The following DTNB variants were observed in gnomAD, a reference collection of about 807,000 sequenced individuals.
The protein encoded by DTNB is DTN-B.
DTNB carries 63 observed loss-of-function variants against 90.7 expected under a neutral mutation model. The ratio of observed to expected loss-of-function variants is 0.69; its 90% CI spans 0.57 to 0.86. The LOEUF (loss-of-function observed/expected upper bound fraction) is 0.86. DTNB is among the 40% of genes least tolerant of loss of function. The pLI is 0.00. For synonymous variants in DTNB, 277 were observed against 286.7 expected (o/e 0.97, Z 0.34); for missense variants, 744 against 807.1 (o/e 0.92, Z 0.95).
In DTNB at chr2:25,626,748, C is replaced by G. The variant is rs1458416309; in HGVS notation, c.362+1423G>C. ...TAGTGTTACCACTAATTCACAGACTCCTCCCTATTATAAGATATAACTAAT... is the reference window on the plus strand; with the variant it reads ...TAGTGTTACCACTAATTCACAGACTGCTCCCTATTATAAGATATAACTAAT... On this transcript the variant is annotated intron_variant, in intron 4 of 20. Coordinates refer to ENST00000406818, the MANE Select transcript of DTNB (RefSeq NM_021907.5). 2.0e-5 allele frequency among the ~76,000 whole-genome samples: 3 copies of G among 152,206 alleles called. No individual in the cohort carries two copies. In the East Asian group the frequency reaches 5.8e-4, roughly 29 times the overall value.
intron 1 of DTNB, among the ~76,000 whole-genome samples, chr2:25,670,382 T>C (rs562464618): frequency 6.6e-6 from 1 of 151,800 alleles, no homozygotes; most frequent in South Asian, 2.1e-4. Flanking sequence ...CTGTTTTGAG[T>C]ATCAGATGAG....
chr2:25,404,586 GGGTCACACCTGTAATCCTA>G, intron 16 of DTNB, among the ~76,000 whole-genome samples: 1 of 152,254 alleles, frequency 6.6e-6, no homozygotes, highest in East Asian at 1.9e-4. Flanking sequence ...TGGGCACGGT[GGGTCACACCTGTAATCCTA>G]ACACTTTGGG....
At chr2:25,639,115 A>G in intron 2 of DTNB, 21 bp from the exon 3 acceptor site, 1 of 1,550,218 alleles carries the variant, frequency 6.5e-7, no homozygotes, top group Admixed American at 1.9e-5. Context: ...GCAAACAGAA[A>G]TGCTCAACTA....
intron 16 of DTNB, among the ~76,000 whole-genome samples, chr2:25,388,993 T>C (rs1215948650): frequency 6.6e-6 from 1 of 152,056 alleles, no homozygotes; most frequent in Non-Finnish European, 1.5e-5. Context: ...ACTACAGGTG[T>C]GCGCCACCAC....
chr2:25,661,645 T>C (rs1462894149), intron 1 of DTNB, among the ~76,000 whole-genome samples: 1 of 152,258 alleles, frequency 6.6e-6, no homozygotes, highest in Admixed American at 6.5e-5. Context: ...AAGCGTTTGC[T>C]CTACAATAAT....
rs2081193312 is a variant in DTNB at position 25,652,665 on chromosome 2, G to A, written c.-1-4C>T. 6.2e-7 allele frequency: 1 copy of A among 1,610,952 alleles called. No homozygotes were observed. The highest frequency in any genetic ancestry group is 8.5e-7 in the Non-Finnish European group (1 of 1,179,192). On this transcript the variant is annotated splice_region_variant and splice_polypyrimidine_tract_variant and intron_variant, in intron 1 of 20. Transcript: ENST00000406818. ...GTTCCCACTTTCCTCAATCATCCTA[G>A]AGACAAAGAAAGATACAATAAACCA...
intron 8 of DTNB, among the ~76,000 whole-genome samples, chr2:25,535,144 C>A (rs533862723): frequency 7.1e-6 from 1 of 141,026 alleles, no homozygotes; most frequent in Non-Finnish European, 1.5e-5. Context: ...ACTTCCCATT[C>A]GGGGCAACCG....
rs765769580 is a variant in DTNB at position 25,596,083 on chromosome 2, T to C, written c.603+3A>G. On this transcript the variant is annotated splice_donor_region_variant and intron_variant, in intron 6 of 20. Transcript: ENST00000406818. ...GCCCTAGATTCTATAAAACTGTCCT[T>C]ACCTGCTGTGGAAAACAGGTGCGGA... 2 of 1,601,386 alleles carry C rather than the reference T, an allele frequency of 1.2e-6. No homozygotes were observed. Among genetic ancestry groups the C allele is most frequent in the South Asian group, 1.1e-5 (1 of 88,554 alleles).
At chr2:25,615,339 A>C (rs1046830448) in intron 4 of DTNB, among the ~76,000 whole-genome samples, 1 of 152,040 alleles carries the variant, frequency 6.6e-6, no homozygotes, top group African/African-American at 2.4e-5. Flanking sequence ...GGGGTGACTG[A>C]TTATATCTTT....
At chr2:25,442,517 C>T (rs778245981) in intron 12 of DTNB, among the ~76,000 whole-genome samples, 6 of 152,170 alleles carry the variant, frequency 3.9e-5, no homozygotes, top group African/African-American at 7.2e-5. Flanking sequence ...CATCCAAGGT[C>T]GATGCGCTGC....
chr2:25,630,844 CAAAAA>C (rs1169600129), intron 3 of DTNB, among the ~76,000 whole-genome samples: 1 of 62,920 alleles, frequency 1.6e-5, no homozygotes, highest in Admixed American at 2.1e-4. Flanking sequence ...AACTCCGTCC[CAAAAA>C]AAAAAAAAAA....
At chr2:25,439,530 G>A (rs1216833280) in intron 12 of DTNB, among the ~76,000 whole-genome samples, 1 of 152,036 alleles carries the variant, frequency 6.6e-6, no homozygotes, top group African/African-American at 2.4e-5. Flanking sequence ...ACTGGGTGTA[G>A]ATTATAGAGA....
chr2:25,470,879 C>T (rs2062670274), intron 10 of DTNB, among the ~76,000 whole-genome samples: 1 of 152,048 alleles, frequency 6.6e-6, no homozygotes, highest in East Asian at 1.9e-4. Context: ...AGTTCCTTTT[C>T]TCCTCTGTCA....
Position 25,531,480 on chromosome 2 carries a change from G to T in DTNB, c.994C>A (p.His332Asn). Reference sequence around the variant, plus strand: ...ATCCAGGGGTATACTTACACTATATGTGCAAGGTCAAGTGGTTTCTCTGGT... The same window carrying T: ...ATCCAGGGGTATACTTACACTATATTTGCAAGGTCAAGTGGTTTCTCTGGT... ...EQPEKPLDLAHIVPPRPLTNM... is the reference protein window; with the variant it reads ...EQPEKPLDLANIVPPRPLTNM... The change falls in exon 9 of 21, where the codon CAT becomes AAT. Residue 332 changes from histidine (H) to asparagine (N), a missense_variant. Physicochemically the swap from His to Asn is moderately conservative, Grantham distance 68. Coordinates refer to ENST00000406818, the MANE Select transcript of DTNB (RefSeq NM_021907.5). 2 of 1,613,852 alleles carry T rather than the reference G, an allele frequency of 1.2e-6. No homozygotes were observed. Among genetic ancestry groups the T allele is most frequent in the Non-Finnish European group, 1.7e-6 (2 of 1,179,858 alleles).
At chr2:25,466,358 A>C (rs1246064129) in intron 10 of DTNB, among the ~76,000 whole-genome samples, 2 of 152,298 alleles carry the variant, frequency 1.3e-5, no homozygotes, top group Admixed American at 1.3e-4. Context: ...AAAAGAAAGA[A>C]GTACTTAAGT....
At chr2:25,450,003 C>G (rs2059035362) in intron 12 of DTNB, among the ~76,000 whole-genome samples, 1 of 151,998 alleles carries the variant, frequency 6.6e-6, no homozygotes, top group African/African-American at 2.4e-5. Context: ...ACCTTGTGAC[C>G]CGCCTGCCTT....
chr2:25,531,519 C>A lies in DTNB; in HGVS notation c.955G>T (p.Val319Phe), dbSNP rs777193898. The A allele has an allele frequency of 1.9e-6, 3 of 1,613,940 alleles. No homozygotes were observed. In the South Asian group the frequency reaches 3.3e-5, roughly 18 times the overall value. Residue 319 changes from valine to phenylalanine, a missense_variant, in exon 9 of 21, where the codon GTT (valine) becomes TTT (phenylalanine). Coordinates refer to ENST00000406818, the MANE Select transcript of DTNB (RefSeq NM_021907.5). ...GGTTTCTCTGGTTGCTCAGGAAAAA[C>A]AGGATGCGGGGGTTCTCTCGTGGGT... ...CVPTREPPHP[V>F]FPEQPEKPLD... is the part of the protein sequence containing the mutation.
chr2:25,646,620 A>T (rs1408967521), intron 2 of DTNB, among the ~76,000 whole-genome samples: 2 of 152,186 alleles, frequency 1.3e-5, no homozygotes, highest in Non-Finnish European at 2.9e-5. Context: ...GTCTTTGGAT[A>T]AACTCAATCA....
At chr2:25,633,366 G>A (rs1384201941) in intron 3 of DTNB, among the ~76,000 whole-genome samples, 1 of 152,168 alleles carries the variant, frequency 6.6e-6, no homozygotes, top group African/African-American at 2.4e-5. Flanking sequence ...GGGTTTCGCT[G>A]TGTTGGCCGG....
Sources: allele counts gnomAD v4.1 joint callset (sites outside exome capture counted in the v4.1 genomes callset), GRCh38; gene constraint gnomAD v4.1.1; transcripts MANE v1.5; gene names NCBI Gene and HGNC (gene_info 2026-07-23, HGNC 2026-07-21).